The following PANX1 variants were observed in gnomAD, a reference collection of about 807,000 sequenced individuals.
PANX1 encodes pannexin-1.
In PANX1, 30 loss-of-function variants were observed where a neutral mutation model predicts 38.7. The ratio of observed to expected loss-of-function variants is 0.78; its 90% CI spans 0.58 to 1.05. PANX1 has a LOEUF of 1.05. Ranked by LOEUF, PANX1 falls within the 50% of genes least tolerant of loss-of-function variation. The probability of loss-of-function intolerance (pLI) is 0.00; values close to 1 mark genes in which losing one functional copy is unlikely to be tolerated. For synonymous variants in PANX1, 230 were observed against 212.2 expected, an observed-to-expected ratio of 1.08 and a Z score of -0.73; for missense variants, 551 against 517.2, an observed-to-expected ratio of 1.07 and a Z score of -0.63.
In PANX1 at chr11:94,175,870, A is replaced by G. The variant is rs148644245; in HGVS notation, c.322-2499A>G. 593 of 984,832 alleles carry G rather than the reference A, an allele frequency of 6.0e-4. 20 individuals carry two copies. In the African/African-American group the frequency reaches 9.4e-3, roughly 16 times the overall value. 61.0% of individuals were successfully genotyped at this position (984,832 alleles called of 1,614,324 possible). A position where few individuals can be genotyped will look rare whatever the true frequency, so the allele number is the denominator to read the frequency against. On this transcript the variant is annotated intron_variant, in intron 2 of 4. Transcript: ENST00000227638. ...CACCTCATCCCGTGCCAGAATGCCAAAGTAAAGCAGCTGTCTTGGTAAGAG... is the reference window on the plus strand; with the variant it reads ...CACCTCATCCCGTGCCAGAATGCCAGAGTAAAGCAGCTGTCTTGGTAAGAG...
At chr11:94,146,033 C>T (rs1046998869) in intron 1 of PANX1, among the ~76,000 whole-genome samples, 1 of 152,140 alleles carries the variant, frequency 6.6e-6, no homozygotes, top group African/African-American at 2.4e-5. Context: ...AATTTCTTTA[C>T]CCACCAAAAG....
At chr11:94,149,793 G>T (rs1233135187) in intron 1 of PANX1, among the ~76,000 whole-genome samples, 1 of 152,044 alleles carries the variant, frequency 6.6e-6, no homozygotes. Flanking sequence ...CTATCAAGTT[G>T]GACAGTGATA....
chr11:94,156,768 C>T (rs1310214785), intron 2 of PANX1, among the ~76,000 whole-genome samples: 1 of 149,906 alleles, frequency 6.7e-6, no homozygotes, highest in African/African-American at 2.5e-5. Context: ...GGTACATGTG[C>T]ACAACATGCA....
intron 2 of PANX1, among the ~76,000 whole-genome samples, chr11:94,158,629 A>T (rs61905102): frequency 6.6e-6 from 1 of 152,060 alleles, no homozygotes; most frequent in Non-Finnish European, 1.5e-5. Flanking sequence ...AGTTGCTTAT[A>T]AGCTTAAGGA....
intron 1 of PANX1, among the ~76,000 whole-genome samples, chr11:94,132,847 T>A (rs1946646693): frequency 6.6e-6 from 1 of 152,226 alleles, no homozygotes; most frequent in African/African-American, 2.4e-5. Flanking sequence ...AAATAAATGA[T>A]TTTTTACTTT....
chr11:94,145,396 A>G (rs962038356), intron 1 of PANX1, among the ~76,000 whole-genome samples: 6 of 152,222 alleles, frequency 3.9e-5, no homozygotes, highest in African/African-American at 7.2e-5. Flanking sequence ...CCAAACCTAT[A>G]TGCTCCAGAA....
At position 94,131,265 on chromosome 11, in the gene PANX1, G is replaced by T. The variant is rs191610172; in HGVS notation, c.181+1772G>T. ...CCACCTCTAGCACATGTACTAGAGG[G>T]ACTCCTAAGGCACCTGTACCTGTAA... On this transcript the variant is annotated intron_variant, in intron 1 of 4. Coordinates refer to ENST00000227638, the MANE Select transcript of PANX1 (RefSeq NM_015368.4). Among the ~76,000 whole-genome samples the T allele has an allele frequency of 2.0e-5, 3 of 152,302 alleles. No individual in the cohort carries two copies. In the East Asian group the frequency reaches 5.8e-4, roughly 29 times the overall value.
chr11:94,169,202 A>AG (rs1491348567), intron 2 of PANX1, among the ~76,000 whole-genome samples: 1 of 151,592 alleles, frequency 6.6e-6, no homozygotes, highest in Admixed American at 6.6e-5. Context: ...ATATGTAGAC[A>AG]GGGGCAAGGT....
intron 2 of PANX1, among the ~76,000 whole-genome samples, chr11:94,177,606 C>T (rs985325919): frequency 6.6e-6 from 1 of 152,210 alleles, no homozygotes; most frequent in African/African-American, 2.4e-5. Context: ...GGCTAAGCCA[C>T]CTCTGACCAA....
At chr11:94,160,792 G>A (rs972056158) in intron 2 of PANX1, among the ~76,000 whole-genome samples, 3 of 152,206 alleles carry the variant, frequency 2.0e-5, no homozygotes, top group East Asian at 1.9e-4. Context: ...TTATTTTGCC[G>A]TTAGTTGATG....
At chr11:94,137,509 G>T (rs997011330) in intron 1 of PANX1, among the ~76,000 whole-genome samples, 4 of 152,070 alleles carry the variant, frequency 2.6e-5, no homozygotes, top group Admixed American at 2.6e-4. Flanking sequence ...CAATTTGGGG[G>T]CATTTGCCCT....
At position 94,160,212 on chromosome 11, in the gene PANX1, G is replaced by T. The variant is rs146166466; in HGVS notation, c.321+6582G>T. On this transcript the variant is annotated intron_variant, in intron 2 of 4. Transcript: ENST00000227638. ...GAAGAATGTATATTCTGTTGATTTG[G>T]GGTGGACAGTTCTGTAGATGTCTAT... 6.4e-3 allele frequency among the ~76,000 whole-genome samples: 976 copies of T among 152,196 alleles called. 8 individuals carry two copies. Among genetic ancestry groups the T allele is most frequent in the African/African-American group, 0.022 (896 of 41,506 alleles).
In PANX1 at chr11:94,128,990, G is replaced by A. The variant is rs1198041319; in HGVS notation, c.-323G>A. Reference sequence around the variant, plus strand: ...TGTTCCGCGCGTGGTTCCCGCGCCTGGGGGTGCGCGGGAGAGGCGCGAATC... The same window carrying A: ...TGTTCCGCGCGTGGTTCCCGCGCCTAGGGGTGCGCGGGAGAGGCGCGAATC... On this transcript the variant is annotated 5_prime_UTR_variant, in exon 1 of 5. Coordinates refer to ENST00000227638, the MANE Select transcript of PANX1 (RefSeq NM_015368.4). 6 of 209,644 alleles carry A rather than the reference G, an allele frequency of 2.9e-5. No individual in the cohort carries two copies. The highest frequency in any genetic ancestry group is 4.7e-5 in the Non-Finnish European group (5 of 106,234). The allele number at this position is 209,644 out of a possible 1,614,324, so 13.0% of individuals were successfully genotyped here.
chr11:94,179,667 A>G lies in PANX1; in HGVS notation c.611A>G (p.Lys204Arg). The G allele has an allele frequency of 6.2e-7, 1 of 1,613,628 alleles. No homozygotes were observed. Among genetic ancestry groups the G allele is most frequent in the Non-Finnish European group, 8.5e-7 (1 of 1,179,678 alleles). Reference protein sequence around the residue: ...PIVEQYLKTKKNSNNLIIKYI... With the variant: ...PIVEQYLKTKRNSNNLIIKYI... The stretch of plus-strand genomic sequence containing the variant: ...GTGGAGCAGTACTTGAAGACAAAGA[A>G]AAATTCTAATAATTTAATCATCAAG... The change falls in exon 4 of 5, where the codon AAA (lysine) becomes AGA (arginine). Residue 204 changes from lysine (K) to arginine (R), a missense_variant. By Grantham distance (26) the Lys-to-Arg change is conservative. Transcript: ENST00000227638.
rs969347589 is a variant in PANX1, at chr11:94,178,398, G to A, written c.351G>A (p.Ala117=). 23 of 1,613,790 alleles carry A rather than the reference G, an allele frequency of 1.4e-5. No individual in the cohort carries two copies. The highest frequency in any genetic ancestry group is 5.0e-5 in the Admixed American group (3 of 59,974). Residue 117 remains alanine (A), a synonymous_variant, in exon 3 of 5, where the codon GCG becomes GCA. Coordinates refer to ENST00000227638, the MANE Select transcript of PANX1 (RefSeq NM_015368.4). The part of the protein sequence containing the change: ...KFFPYILLLF[A]ILLYLPPLFW... Reference sequence around the variant, plus strand: ...TCCCCTACATCCTGCTGCTCTTTGCGATCCTCCTGTACCTGCCCCCGCTGT... The same window carrying A: ...TCCCCTACATCCTGCTGCTCTTTGCAATCCTCCTGTACCTGCCCCCGCTGT...
chr11:94,150,439 G>A (rs1316859413), intron 1 of PANX1, among the ~76,000 whole-genome samples: 1 of 152,202 alleles, frequency 6.6e-6, no homozygotes, highest in Non-Finnish European at 1.5e-5. Flanking sequence ...AAGATCTAAC[G>A]TGTTTACCTC....
chr11:94,164,747 A>T (rs7116158), intron 2 of PANX1, among the ~76,000 whole-genome samples: 56,046 of 151,932 alleles, frequency 0.37, 10,828 homozygotes, highest in African/African-American at 0.45. Context: ...TTTTGTCTAG[A>T]TGATCTGCTC....
intron 2 of PANX1, among the ~76,000 whole-genome samples, chr11:94,169,340 G>C (rs1417670114): frequency 6.6e-6 from 1 of 151,494 alleles, no homozygotes; most frequent in South Asian, 2.1e-4. Context: ...ATCTTGTAAA[G>C]AAAGATGGTG....
chr11:94,177,139 T>C (rs1450941135), intron 2 of PANX1, among the ~76,000 whole-genome samples: 2 of 151,570 alleles, frequency 1.3e-5, no homozygotes, highest in Non-Finnish European at 2.9e-5. Flanking sequence ...ATGGGCTAAA[T>C]GCTGGGGACA....
Sources: gnomAD v4.1 joint callset for allele counts (sites outside exome capture counted in the v4.1 genomes callset) on GRCh38, gnomAD v4.1.1 for gene constraint, MANE v1.5 for transcripts, NCBI Gene and HGNC (gene_info 2026-07-23, HGNC 2026-07-21) for gene names.